Variants in DMD observed in about 807,000 individuals in gnomAD.
DMD encodes mutant dystrophin.
In DMD, 63 loss-of-function variants were observed where a neutral mutation model predicts 330.1. The observed-to-expected ratio is 0.19, with a 90% CI of 0.16 to 0.24. The LOEUF is 0.24. DMD is among the 10% of genes least tolerant of loss of function. The pLI is 1.00. For missense variants in DMD, 3,344 were observed against 2,684.1 expected (o/e 1.25, Z -5.43); for synonymous variants, 1,223 against 959.8 (o/e 1.27, Z -5.07).
chrX:31,237,435 T>C (rs753551025), intron 63 of DMD, among the ~76,000 whole-genome samples: 1 of 112,909 alleles, frequency 8.9e-6, no homozygotes, highest in East Asian at 2.8e-4. Context: ...TTCACTGTTA[T>C]GTGTTAACTT....
chrX:32,622,305 C>G (rs1464996084), intron 11 of DMD, among the ~76,000 whole-genome samples: 2 of 111,229 alleles, frequency 1.8e-5, no homozygotes, highest in East Asian at 5.7e-4. Context: ...AGGTGTGATA[C>G]TAATAAGCAC....
At chrX:32,469,843 A>AATCC (rs1488119817) in intron 22 of DMD, among the ~76,000 whole-genome samples, 11 of 111,141 alleles carry the variant, frequency 9.9e-5, no homozygotes, top group South Asian at 3.7e-4. Context: ...CTACCTATCT[A>AATCC]ATCCATCCAT....
intron 44 of DMD, among the ~76,000 whole-genome samples, chrX:32,176,288 A>C (rs2096906287): frequency 8.9e-6 from 1 of 112,159 alleles, no homozygotes; most frequent in Non-Finnish European, 1.9e-5. Context: ...CTAAAATTAC[A>C]GTTTCATGAG....
chrX:31,757,007 T>C (rs971865581), intron 51 of DMD, among the ~76,000 whole-genome samples: 2 of 110,186 alleles, frequency 1.8e-5, no homozygotes, highest in African/African-American at 6.6e-5. Context: ...TTTTACCTTA[T>C]ATCAAGAAAT....
chrX:32,805,356 A>C (rs765983530), intron 7 of DMD, among the ~76,000 whole-genome samples: 1 of 112,012 alleles, frequency 8.9e-6, no homozygotes, highest in East Asian at 2.8e-4. Context: ...GCAGAAGAAA[A>C]GATATCAGAG....
At chrX:33,255,339 T>TG (rs775103439) in intron 1 of DMD, among the ~76,000 whole-genome samples, 2 of 111,082 alleles carry the variant, frequency 1.8e-5, no homozygotes, top group African/African-American at 6.5e-5. Context: ...TAAATAAATG[T>TG]GGGAAGTGCT....
chrX:32,459,385 C>G (rs971917232), intron 25 of DMD, among the ~76,000 whole-genome samples: 1 of 110,988 alleles, frequency 9.0e-6, no homozygotes, highest in South Asian at 3.8e-4. Flanking sequence ...TAAGAGTTTA[C>G]GAATTATCCA....
rs1483575529 is a variant in DMD at position 32,724,572 on chromosome X, G to A, written c.650-25279C>T. ...AAACAATAAATCAACCCAATGTGAA[G>A]TATATCACAGCCCATAAAATGAACA... is the stretch of plus-strand genomic sequence containing the variant. On this transcript the variant is annotated intron_variant, in intron 7 of 78. Transcript: ENST00000357033. Among the ~76,000 whole-genome samples, 4 of 111,645 alleles carry A rather than the reference G, an allele frequency of 3.6e-5. No individual in the cohort carries two copies. In the East Asian group the frequency reaches 8.5e-4, roughly 24 times the overall value.
chrX:33,106,001 C>T (rs1285367811), intron 1 of DMD, among the ~76,000 whole-genome samples: 1 of 107,144 alleles, frequency 9.3e-6, no homozygotes, highest in East Asian at 3.0e-4. Flanking sequence ...TTCACAATCG[C>T]AAAGATATAG....
At chrX:32,780,490 T>A (rs1339689252) in intron 7 of DMD, among the ~76,000 whole-genome samples, 1 of 112,165 alleles carries the variant, frequency 8.9e-6, no homozygotes, top group African/African-American at 3.2e-5. Context: ...TTTAGCATAG[T>A]TAATATTTTT....
chrX:31,143,232 C>A (rs1437258978), intron 76 of DMD, among the ~76,000 whole-genome samples: 1 of 111,005 alleles, frequency 9.0e-6, no homozygotes, highest in Non-Finnish European at 1.9e-5. Context: ...CGGGAGGGGT[C>A]CGGTGGGAGG....
intron 41 of DMD, among the ~76,000 whole-genome samples, chrX:32,336,816 T>C (rs1329032993): frequency 8.9e-6 from 1 of 111,944 alleles, no homozygotes; most frequent in Non-Finnish European, 1.9e-5. Context: ...AAGATACTGA[T>C]ATGGAAATGA....
At chrX:31,864,297 A>G (rs2093759691) in intron 48 of DMD, among the ~76,000 whole-genome samples, 1 of 110,488 alleles carries the variant, frequency 9.1e-6, no homozygotes, top group Admixed American at 9.7e-5. Context: ...CTCATGTCCA[A>G]CAAATTGTTA....
At chrX:31,929,552 G>C (rs762619161) in intron 47 of DMD, 44 bp downstream of exon 47, 1 of 1,198,801 alleles carries the variant, frequency 8.3e-7, no homozygotes, top group Non-Finnish European at 1.1e-6. Context: ...ACAAATACTT[G>C]CAACATTTAA....
At chrX:32,354,126 A>T (rs1322781797) in intron 37 of DMD, among the ~76,000 whole-genome samples, 1 of 111,306 alleles carries the variant, frequency 9.0e-6, no homozygotes, top group Non-Finnish European at 1.9e-5. Context: ...TAGCATAATA[A>T]CGACTGTGTT....
In DMD at chrX:33,264,874, G is replaced by A. The variant is rs770185411; in HGVS notation, c.7+74385C>T. ...CCCATATTCTGAGCTTGTTATCCTG[G>A]CACAGAAATTATGATGACATTGAAA... On this transcript the variant is annotated intron_variant, in intron 1 of 17. Coordinates refer to the DMD transcript ENST00000288447. 3.6e-5 allele frequency among the ~76,000 whole-genome samples: 4 copies of A among 110,165 alleles called. No homozygotes were observed. In the East Asian group the frequency reaches 1.1e-3, roughly 31 times the overall value.
At chrX:32,146,067 T>C (rs762888702) in intron 44 of DMD, among the ~76,000 whole-genome samples, 13 of 111,839 alleles carry the variant, frequency 1.2e-4, no homozygotes, top group Non-Finnish European at 1.9e-4. Flanking sequence ...AGGGCTGCCA[T>C]GTTTTGATTG....
intron 21 of DMD, among the ~76,000 whole-genome samples, chrX:32,474,194 T>TACAC (rs1380727287): frequency 7.1e-5 from 3 of 42,032 alleles, no homozygotes; most frequent in African/African-American, 1.9e-4. Flanking sequence ...TTCCATCATA[T>TACAC]ATACATACAT....
chrX:32,542,289 C>T (rs905492683), intron 17 of DMD, among the ~76,000 whole-genome samples: 4 of 111,223 alleles, frequency 3.6e-5, no homozygotes, highest in African/African-American at 9.8e-5. Context: ...AAAAATTAGC[C>T]GGATGTGGTG....
Sources: allele counts gnomAD v4.1 joint callset (sites outside exome capture counted in the v4.1 genomes callset), GRCh38; gene constraint gnomAD v4.1.1; transcripts MANE v1.5; gene names NCBI Gene and HGNC (gene_info 2026-07-23, HGNC 2026-07-21).